Variants in ELAC2 observed in about 807,000 individuals in gnomAD.
ELAC2 encodes the protein zinc phosphodiesterase ELAC protein 2.
Under a neutral mutation model 105.2 loss-of-function variants are expected in ELAC2, and 92 were observed. That is an observed-to-expected ratio of 0.87 (90% CI 0.74 to 1.04). The LOEUF (loss-of-function observed/expected upper bound fraction) is 1.04, where lower values mean the gene tolerates loss of function less well. Ranked by LOEUF, ELAC2 falls within the 50% of genes least tolerant of loss-of-function variation. The pLI is 0.00. For synonymous variants in ELAC2, 468 were observed against 409.1 expected (o/e 1.14, Z -1.74); for missense variants, 1,099 against 1,071.7 (o/e 1.03, Z -0.36).
chr17:12,995,646 CTGAAGGAGACGGCA>C, intron 19 of ELAC2, 43 bp downstream of exon 19: 1 of 1,526,914 alleles, frequency 6.5e-7, no homozygotes, highest in South Asian at 1.2e-5. Context: ...CCTTGAGCTT[CTGAAGGAGACGGCA>C]GCAAGCAACA....
chr17:12,995,841 G>A (rs1398889126), intron 18 of ELAC2, 29 bp from the exon 19 acceptor site: 4 of 1,593,390 alleles, frequency 2.5e-6, no homozygotes, highest in East Asian at 4.6e-5. Flanking sequence ...GTGCCGACTC[G>A]ACGACAGAAC....
chr17:12,996,352 GA>G (rs1173957572), intron 17 of ELAC2, 194 bp downstream of exon 17: 2 of 798,708 alleles, frequency 2.5e-6, no homozygotes, highest in African/African-American at 3.4e-5. Flanking sequence ...GAAAGGAACT[GA>G]ACAGGAAGAG....
intron 23 of ELAC2, among the ~76,000 whole-genome samples, 178 bp downstream of exon 23, chr17:12,993,509 G>C (rs2040307784): frequency 6.6e-6 from 1 of 152,208 alleles, no homozygotes; most frequent in Admixed American, 6.5e-5. Flanking sequence ...GCCCCTGCAG[G>C]AGGTGGGTCT....
At chr17:12,999,967 AT>A (rs2040689075) in intron 15 of ELAC2, among the ~76,000 whole-genome samples, 188 bp downstream of exon 15, 1 of 152,130 alleles carries the variant, frequency 6.6e-6, no homozygotes, top group Non-Finnish European at 1.5e-5. Flanking sequence ...AGGAATTGGG[AT>A]TCTTAAACTC....
At chr17:13,010,965 A>C (rs2041379793) in intron 7 of ELAC2, among the ~76,000 whole-genome samples, 1 of 152,256 alleles carries the variant, frequency 6.6e-6, no homozygotes, top group South Asian at 2.1e-4. Context: ...AGACAGAGAA[A>C]AATATATTGT....
At chr17:13,004,038 T>C (rs1221914519) in intron 11 of ELAC2, 1 of 207,296 alleles carries the variant, frequency 4.8e-6, no homozygotes, top group African/African-American at 2.3e-5. Context: ...GAAAATCATC[T>C]GAAATTTCAC....
rs756645244 is a variant in ELAC2 at position 12,995,040 on chromosome 17, G to A, written c.1831C>T (p.Gln611Ter). The change falls in exon 20 of 24, where the codon CAG becomes TAG. Residue 611 changes from glutamine (Q) to a stop codon, truncating the protein, a stop_gained. Transcript: ENST00000338034. LOFTEE classifies it high-confidence loss of function. The part of the protein sequence containing the change: ...HISMIPAKCL[Q>*]EGAEISSPAV... ...GGACTGGAGATCTCAGCCCCTTCCT[G>A]AAGGCATTTGGCAGGAATCATACTG... The A allele has an allele frequency of 6.2e-7, 1 of 1,614,178 alleles. No individual in the cohort carries two copies. Among genetic ancestry groups the A allele is most frequent in the Non-Finnish European group, 8.5e-7 (1 of 1,180,036 alleles).
chr17:13,010,781 C>CAGTA, intron 7 of ELAC2, 110 bp from the exon 8 acceptor site: 1 of 971,474 alleles, frequency 1.0e-6, no homozygotes, highest in Non-Finnish European at 1.6e-6. Context: ...AATTAATGGA[C>CAGTA]GCTACTGTCC....
At chr17:13,005,643 T>C (rs1567759409) in intron 10 of ELAC2, 110 bp downstream of exon 10, 1 of 1,099,302 alleles carries the variant, frequency 9.1e-7, no homozygotes, top group East Asian at 2.3e-5. Context: ...ATGTCCAAAC[T>C]GTTCCACGTC....
intron 8 of ELAC2, among the ~76,000 whole-genome samples, chr17:13,006,893 G>A (rs751578699): frequency 5.9e-5 from 9 of 151,914 alleles, no homozygotes; most frequent in South Asian, 2.1e-4. Context: ...AAGCCGAGGC[G>A]GGTAGATCAT....
At chr17:12,993,906 T>C in intron 22 of ELAC2, 75 bp from the exon 23 acceptor site, 1 of 1,607,550 alleles carries the variant, frequency 6.2e-7, no homozygotes, top group Admixed American at 1.7e-5. Context: ...GCACAGACCC[T>C]GGCCATCAAC....
chr17:12,995,579 TG>T, intron 19 of ELAC2, 123 bp downstream of exon 19: 1 of 915,946 alleles, frequency 1.1e-6, no homozygotes, highest in Non-Finnish European at 1.7e-6. Context: ...TTCTGCCATC[TG>T]GGACCATGTC....
At chr17:13,008,452 C>T (rs2041232737) in intron 8 of ELAC2, among the ~76,000 whole-genome samples, 1 of 151,862 alleles carries the variant, frequency 6.6e-6, no homozygotes, top group South Asian at 2.1e-4. Flanking sequence ...GCAGAGGTTG[C>T]AGTGAGCCAA....
In ELAC2 at chr17:12,993,688, T is replaced by C; in HGVS notation, c.2252A>G (p.Lys751Arg). The change falls in exon 23 of 24, where the codon AAG becomes AGG. Residue 751 changes from lysine (K) to arginine (R), a missense_variant and splice_region_variant. Transcript: ENST00000338034. ...GTGCTGTCCGTGTGACATACAGACC[T>C]TCATGTGGTCAAAGGCAACTCCCAC... ...EKVGVAFDHM[K>R]VCFGDFPTMP... 4.3e-6 allele frequency: 7 copies of C among 1,614,170 alleles called. No individual in the cohort carries two copies. Among genetic ancestry groups the C allele is most frequent in the Non-Finnish European group, 5.9e-6 (7 of 1,180,020 alleles).
chr17:12,994,530 CAG>C (rs1343592114), intron 21 of ELAC2, 27 bp from the exon 22 acceptor site: 2 of 1,613,800 alleles, frequency 1.2e-6, no homozygotes, highest in African/African-American at 1.3e-5. Flanking sequence ...AGGATCAGGG[CAG>C]AGTTCTCTGC....
intron 5 of ELAC2, among the ~76,000 whole-genome samples, chr17:13,013,599 TATC>T (rs2143672469): frequency 6.6e-6 from 1 of 152,316 alleles, no homozygotes; most frequent in East Asian, 1.9e-4. Flanking sequence ...CCAGGGAACC[TATC>T]ATCGCAAACC....
chr17:13,003,248 G>T (rs1358884143), intron 12 of ELAC2, among the ~76,000 whole-genome samples: 1 of 152,168 alleles, frequency 6.6e-6, no homozygotes, highest in African/African-American at 2.4e-5. Context: ...GAGTGTGGAG[G>T]GTGTAAAATA....
Position 12,993,707 on chromosome 17 carries a change from C to T in ELAC2, c.2233G>A (p.Val745Ile). The T allele has an allele frequency of 1.2e-6, 2 of 1,614,214 alleles. No individual in the cohort carries two copies. Among genetic ancestry groups the T allele is most frequent in the Admixed American group, 1.7e-5 (1 of 60,030 alleles). Residue 745 changes from valine (V) to isoleucine (I), a missense_variant, in exon 23 of 24, where the codon GTT (valine) becomes ATT (isoleucine). By Grantham distance (29) the Val-to-Ile change is conservative (BLOSUM62 3). Coordinates refer to ENST00000338034, the MANE Select transcript of ELAC2 (RefSeq NM_018127.7). ...CAGACCTTCATGTGGTCAAAGGCAACTCCCACTTTCTCGCTGAAGTTGGGG... is the reference window on the plus strand; with the variant it reads ...CAGACCTTCATGTGGTCAAAGGCAATTCCCACTTTCTCGCTGAAGTTGGGG... ...FSPNFSEKVG[V>I]AFDHMKVCFG...
Position 12,996,705 on chromosome 17 carries a change from G to A in ELAC2, c.1521-20C>T, listed in dbSNP as rs775612965. 3 of 1,610,988 alleles carry A rather than the reference G, an allele frequency of 1.9e-6. No individual in the cohort carries two copies. Among genetic ancestry groups the A allele is most frequent in the East Asian group, 2.2e-5 (1 of 44,842 alleles). On this transcript the variant is annotated intron_variant, in intron 16 of 23. Transcript: ENST00000338034. The stretch of plus-strand genomic sequence containing the variant: ...TCGGGGCTGCAGAAGAGAAGAGGAA[G>A]AGAGTCACTGCCACTAGGAAGACTG...
Sources: gnomAD v4.1 joint callset for allele counts (sites outside exome capture counted in the v4.1 genomes callset) on GRCh38, gnomAD v4.1.1 for gene constraint, MANE v1.5 for transcripts, NCBI Gene and HGNC (gene_info 2026-07-23, HGNC 2026-07-21) for gene names.